LRP5: variants seen among roughly 807,000 people sequenced by gnomAD.
LRP5 encodes LDL receptor related protein 5.
Under a neutral mutation model 154.1 loss-of-function variants are expected in LRP5, and 62 were observed. The ratio of observed to expected loss-of-function variants is 0.40; its 90% confidence interval spans 0.33 to 0.50. The LOEUF (loss-of-function observed/expected upper bound fraction) is 0.50. Among genes scored for constraint, LRP5 ranks in the 20% least tolerant of loss-of-function variants. LRP5 has a pLI of 0.55. For synonymous variants in LRP5, 966 were observed against 1,011.5 expected (o/e 0.96, Z 0.85); for missense variants, 1,915 against 2,336.7 (o/e 0.82, Z 3.72).
rs1555077878 is a variant in LRP5 at position 68,365,673 on chromosome 11, T to C, written c.986T>C (p.Leu329Pro). The C allele has an allele frequency of 3.5e-6, 5 of 1,436,672 alleles. No homozygotes were observed. The highest frequency in any genetic ancestry group is 4.7e-6 in the Non-Finnish European group (5 of 1,073,028). The allele number at this position is 1,436,672 out of a possible 1,614,324, so 89.0% of individuals were successfully genotyped here. A position where few individuals can be genotyped will look rare whatever the true frequency, so the allele number is the denominator to read the frequency against. The change falls in exon 5 of 23, where the codon CTG becomes CCG. Residue 329 changes from leucine to proline, a missense_variant. Coordinates refer to ENST00000294304, the MANE Select transcript of LRP5 (RefSeq NM_002335.4). ...YTCACPTGVQLQDNGRTCKAG... is the reference protein window; with the variant it reads ...YTCACPTGVQPQDNGRTCKAG... ...TGCGCCTGCCCCACGGGTGTGCAGC[T>C]GCAGGACAACGGCAGGACGTGTAAG...
chr11:68,448,980 G>A lies in LRP5; in HGVS notation c.4758G>A (p.Ala1586=), dbSNP rs772806499. The A allele has an allele frequency of 6.2e-6, 10 of 1,610,128 alleles. No homozygotes were observed. Among genetic ancestry groups the A allele is most frequent in the East Asian group, 4.5e-5 (2 of 44,846 alleles). The change falls in exon 23 of 23, where the codon GCG becomes GCA. Residue 1586 remains alanine, a synonymous_variant. Transcript: ENST00000294304. The part of the protein sequence containing the change: ...PPTPHSQYLS[A]EDSCPPSPAT... ...CGCCCCACAGCCAGTACCTGTCGGC[G>A]GAGGACAGCTGCCCGCCCTCGCCCG...
intron 16 of LRP5, among the ~76,000 whole-genome samples, chr11:68,428,708 G>T (rs2098670227): frequency 6.7e-6 from 1 of 149,272 alleles, no homozygotes; most frequent in Non-Finnish European, 1.5e-5. Flanking sequence ...TCCAAAAAAA[G>T]GTTATGCTCA....
chr11:68,302,612 C>T, the LRP5 span, among the ~76,000 whole-genome samples: 7 of 152,136 alleles, frequency 4.6e-5, no homozygotes, highest in Non-Finnish European at 7.3e-5. Flanking sequence ...AATCTAACAG[C>T]GGAGTGGGTG....
intron 18 of LRP5, among the ~76,000 whole-genome samples, chr11:68,435,889 C>T (rs999266351): frequency 2.6e-5 from 4 of 152,154 alleles, no homozygotes; most frequent in African/African-American, 9.7e-5. Context: ...CCACACCCGG[C>T]TAATTTTTGT....
At chr11:68,359,516 G>T (rs1422022441) in intron 3 of LRP5, among the ~76,000 whole-genome samples, 1 of 152,166 alleles carries the variant, frequency 6.6e-6, no homozygotes, top group Non-Finnish European at 1.5e-5. Context: ...AAAGGATGGT[G>T]ACAGGGGACA....
intron 13 of LRP5, among the ~76,000 whole-genome samples, chr11:68,422,562 A>G (rs530885553): frequency 6.6e-6 from 1 of 152,242 alleles, no homozygotes; most frequent in Admixed American, 6.5e-5. Context: ...GGAGGCCCCA[A>G]AAGCCCAGGC....
chr11:68,437,909 A>T (rs575821321), intron 19 of LRP5, among the ~76,000 whole-genome samples: 1 of 152,312 alleles, frequency 6.6e-6, no homozygotes, highest in East Asian at 1.9e-4. Context: ...GACTTCATCG[A>T]CGCCCTCAGG....
At chr11:68,369,196 G>A (rs1209723566) in intron 5 of LRP5, among the ~76,000 whole-genome samples, 3 of 152,292 alleles carry the variant, frequency 2.0e-5, no homozygotes, top group East Asian at 1.9e-4. Context: ...GCTATGGGGC[G>A]TTTCTGTTCT....
At chr11:68,337,346 G>C (rs972206915) in intron 1 of LRP5, among the ~76,000 whole-genome samples, 1 of 152,170 alleles carries the variant, frequency 6.6e-6, no homozygotes, top group Non-Finnish European at 1.5e-5. Flanking sequence ...GTAGTAGCGT[G>C]AATAACTGCT....
At chr11:68,398,441 A>G (rs1267875001) in intron 7 of LRP5, among the ~76,000 whole-genome samples, 1 of 152,192 alleles carries the variant, frequency 6.6e-6, no homozygotes, top group Non-Finnish European at 1.5e-5. Context: ...CTCGGAGAGG[A>G]CAGGGCTGGA....
intron 2 of LRP5, among the ~76,000 whole-genome samples, chr11:68,349,924 A>C (rs1248986230): frequency 2.0e-5 from 3 of 152,148 alleles, no homozygotes; most frequent in Non-Finnish European, 4.4e-5. Context: ...GGTCAGTGTC[A>C]GAACTGGTTG....
At chr11:68,407,276 C>T (rs2098656278) in intron 9 of LRP5, among the ~76,000 whole-genome samples, 1 of 151,306 alleles carries the variant, frequency 6.6e-6, no homozygotes, top group Admixed American at 6.6e-5. Context: ...TCAAGCGATT[C>T]TTCTGCCTCA....
At chr11:68,424,888 A>G (rs1591311433) in intron 14 of LRP5, among the ~76,000 whole-genome samples, 1 of 152,224 alleles carries the variant, frequency 6.6e-6, no homozygotes, top group South Asian at 2.1e-4. Flanking sequence ...TGACATTTGT[A>G]AAGACCCTGC....
chr11:68,388,593 C>T (rs1167444310), intron 6 of LRP5, among the ~76,000 whole-genome samples: 1 of 152,126 alleles, frequency 6.6e-6, no homozygotes, highest in Non-Finnish European at 1.5e-5. Context: ...TTGGGGGGCC[C>T]CAGGGAACAA....
intron 7 of LRP5, among the ~76,000 whole-genome samples, chr11:68,392,565 A>G (rs1028132462): frequency 1.3e-5 from 2 of 152,116 alleles, no homozygotes; most frequent in African/African-American, 4.8e-5. Flanking sequence ...TAGTATGAGG[A>G]CAATGTGGTG....
chr11:68,394,689 C>A (rs973300389), intron 7 of LRP5, among the ~76,000 whole-genome samples: 1 of 152,166 alleles, frequency 6.6e-6, no homozygotes, highest in East Asian at 1.9e-4. Flanking sequence ...TGGTCTCGAT[C>A]TCCTGACCTC....
Position 68,386,401 on chromosome 11 carries a change from G to C in LRP5, c.1101G>C (p.Leu367=). ...LDTPDFTDIV[L]QVDDIRHAIA... is the part of the protein sequence containing the mutation. ...CGCCGGACTTCACCGACATCGTGCT[G>C]CAGGTGGACGACATCCGGCACGCCA... The change falls in exon 6 of 23, where the codon CTG becomes CTC. Residue 367 remains leucine (L), a synonymous_variant. Coordinates refer to ENST00000294304, the MANE Select transcript of LRP5 (RefSeq NM_002335.4). The surrounding 1 kb of genome is among the most constrained non-coding windows in gnomAD (Gnocchi z 7.9). 1 of 1,613,982 alleles carries C rather than the reference G, an allele frequency of 6.2e-7. No homozygotes were observed. Among genetic ancestry groups the C allele is most frequent in the Non-Finnish European group, 8.5e-7 (1 of 1,180,030 alleles).
intron 13 of LRP5, among the ~76,000 whole-genome samples, chr11:68,421,756 G>A: frequency 6.8e-6 from 1 of 146,016 alleles, no homozygotes; most frequent in Admixed American, 6.9e-5. Flanking sequence ...GTGTATGGGG[G>A]AGGGAGGCAC....
intron 5 of LRP5, among the ~76,000 whole-genome samples, chr11:68,369,645 G>C (rs531196451): frequency 2.2e-4 from 34 of 152,090 alleles, no homozygotes; most frequent in Admixed American, 5.2e-4. Context: ...GTAGTCGTGC[G>C]CCTGTAATCC....
Sources: gnomAD v4.1 joint callset for allele counts (sites outside exome capture counted in the v4.1 genomes callset) on GRCh38, gnomAD v4.1.1 for gene constraint, Gnocchi (gnomAD v3.1) non-coding constraint, MANE v1.5 for transcripts, NCBI Gene and HGNC (gene_info 2026-07-23, HGNC 2026-07-21) for gene names.